Variants in DPF3 observed in about 807,000 individuals in gnomAD.
The protein encoded by DPF3 is zinc finger protein DPF3.
In DPF3, 18 loss-of-function variants were observed where a neutral mutation model predicts 56.8. The observed-to-expected ratio is 0.32, with a 90% CI of 0.22 to 0.47. The LOEUF is 0.47. Ranked by LOEUF, DPF3 falls within the 20% of genes least tolerant of loss-of-function variation. The pLI, the probability that DPF3 is intolerant of heterozygous loss-of-function variation, is 1.00. For missense variants in DPF3, 403 were observed against 488.8 expected (o/e 0.82, Z 1.65); for synonymous variants, 188 against 180.2 (o/e 1.04, Z -0.35).
At chr14:72,626,630 A>G (rs1884844918) in intron 9 of DPF3, among the ~76,000 whole-genome samples, 2 of 152,140 alleles carry the variant, frequency 1.3e-5, no homozygotes, top group Non-Finnish European at 2.9e-5. Flanking sequence ...AGTAATGAAC[A>G]ATGCTACCAC....
Position 72,618,104 on chromosome 14 carries a change from G to A in DPF3, c.*1193C>T. 6.6e-6 allele frequency among the ~76,000 whole-genome samples: 1 copy of A among 151,976 alleles called. No homozygotes were observed. Among genetic ancestry groups the A allele is most frequent in the Admixed American group, 6.6e-5 (1 of 15,258 alleles). On this transcript the variant is annotated 3_prime_UTR_variant, in exon 11 of 11. Transcript: ENST00000556509. ...TCCTGCATGTTTGGGGAGCTTAGGA[G>A]ACAAGAGCAGCCCCCGCACTGAGAG...
chr14:72,727,343 C>T (rs984050099), intron 4 of DPF3, among the ~76,000 whole-genome samples: 3 of 152,064 alleles, frequency 2.0e-5, no homozygotes, highest in East Asian at 3.9e-4. Context: ...TTTGGGAGGC[C>T]GAGGCAGGCG....
intron 8 of DPF3, among the ~76,000 whole-genome samples, chr14:72,656,545 T>TA (rs1886067032): frequency 6.6e-6 from 1 of 152,206 alleles, no homozygotes; most frequent in African/African-American, 2.4e-5. Flanking sequence ...AAAGATCAGG[T>TA]AACCAAACGA....
intron 1 of DPF3, among the ~76,000 whole-genome samples, chr14:72,890,149 G>A (rs1333249704): frequency 6.6e-6 from 1 of 152,052 alleles, no homozygotes; most frequent in African/African-American, 2.4e-5. Context: ...CAGATTTGGG[G>A]GAAGGTGGTT....
intron 2 of DPF3, 27 bp from the exon 3 acceptor site, chr14:72,753,398 A>C: frequency 6.3e-7 from 1 of 1,579,106 alleles, no homozygotes; most frequent in Non-Finnish European, 8.6e-7. Flanking sequence ...TATAAAGATT[A>C]AAGGCTCCAG....
intron 1 of DPF3, among the ~76,000 whole-genome samples, chr14:72,858,017 G>A (rs1194652509): frequency 2.0e-5 from 3 of 152,042 alleles, no homozygotes; most frequent in Non-Finnish European, 2.9e-5. Context: ...ATCAAACCCA[G>A]GTGTAGGCCA....
chr14:72,658,777 C>T (rs974962975), intron 8 of DPF3, among the ~76,000 whole-genome samples: 4 of 152,124 alleles, frequency 2.6e-5, no homozygotes, highest in East Asian at 1.9e-4. Flanking sequence ...GGCAAAGATC[C>T]GCTGTTATGA....
intron 1 of DPF3, among the ~76,000 whole-genome samples, chr14:72,814,669 GC>G (rs1883206892): frequency 6.6e-6 from 1 of 152,128 alleles, no homozygotes; most frequent in African/African-American, 2.4e-5. Flanking sequence ...ATAAAAATTA[GC>G]TGGTCATGAT....
At chr14:72,806,278 G>A (rs979678669) in intron 1 of DPF3, among the ~76,000 whole-genome samples, 14 of 152,064 alleles carry the variant, frequency 9.2e-5, no homozygotes, top group South Asian at 2.1e-4. Context: ...GTGGCCACCC[G>A]TGGGTGGTCC....
At chr14:72,652,407 C>G (rs1885938968) in intron 8 of DPF3, among the ~76,000 whole-genome samples, 1 of 152,168 alleles carries the variant, frequency 6.6e-6, no homozygotes, top group African/African-American at 2.4e-5. Context: ...CCAAATGAGG[C>G]TTGCAGCCAG....
chr14:72,791,170 C>A (rs1036264570), intron 1 of DPF3, among the ~76,000 whole-genome samples: 9 of 152,208 alleles, frequency 5.9e-5, no homozygotes. Flanking sequence ...AGCCCCCCAC[C>A]ATGTGAGTCC....
rs967609377 is a variant in DPF3, at chr14:72,613,276, C to T, written c.*6021G>A. 2.0e-5 allele frequency among the ~76,000 whole-genome samples: 3 copies of T among 152,168 alleles called. No individual in the cohort carries two copies. The highest frequency in any genetic ancestry group is 2.0e-4 in the Admixed American group (3 of 15,290). On this transcript the variant is annotated 3_prime_UTR_variant, in exon 11 of 11. Transcript: ENST00000556509. ...CACTTACCTGCCCTCCCGTCCCCAC[C>T]ATGGCCGCGTTTATTTGCTAGACAG...
At chr14:72,661,595 C>T (rs1253345817) in intron 8 of DPF3, 10 of 985,426 alleles carry the variant, frequency 1.0e-5, no homozygotes, top group East Asian at 2.3e-4. Flanking sequence ...CGCCGAGATA[C>T]ATCCCATCGG....
At chr14:72,741,448 T>C (rs1470350261) in intron 3 of DPF3, among the ~76,000 whole-genome samples, 4 of 152,186 alleles carry the variant, frequency 2.6e-5, no homozygotes, top group African/African-American at 4.8e-5. Flanking sequence ...GCAAGGATAT[T>C]TGGACAGGGA....
At chr14:72,861,771 G>GAAAGAAAGA (rs1885436053) in intron 1 of DPF3, among the ~76,000 whole-genome samples, 3 of 147,128 alleles carry the variant, frequency 2.0e-5, no homozygotes, top group Non-Finnish European at 4.5e-5. Context: ...AAGAAAGAAA[G>GAAAGAAAGA]AAAGAAAGAA....
At chr14:72,750,065 C>T (rs1433861024) in intron 3 of DPF3, among the ~76,000 whole-genome samples, 1 of 152,178 alleles carries the variant, frequency 6.6e-6, no homozygotes, top group East Asian at 1.9e-4. Flanking sequence ...TAAAGGAATT[C>T]CAACTATCTC....
chr14:72,836,218 C>A, intron 1 of DPF3: 1 of 985,592 alleles, frequency 1.0e-6, no homozygotes. Context: ...CGGTGTTCTG[C>A]AGATCATATC....
intron 2 of DPF3, among the ~76,000 whole-genome samples, chr14:72,762,169 A>T (rs1308215590): frequency 6.6e-6 from 1 of 151,944 alleles, no homozygotes; most frequent in African/African-American, 2.4e-5. Flanking sequence ...AGTAAAAATG[A>T]AGAAATACTT....
intron 7 of DPF3, among the ~76,000 whole-genome samples, chr14:72,685,246 G>A (rs892826850): frequency 2.0e-5 from 3 of 152,168 alleles, no homozygotes; most frequent in Non-Finnish European, 4.4e-5. Flanking sequence ...CCAAGCCTTG[G>A]GACTAGGGCC....
Sources: allele counts gnomAD v4.1 joint callset (sites outside exome capture counted in the v4.1 genomes callset), GRCh38; gene constraint gnomAD v4.1.1; transcripts MANE v1.5; gene names NCBI Gene and HGNC (gene_info 2026-07-23, HGNC 2026-07-21).